The following B4GALNT3 variants were observed in gnomAD, a reference collection of about 807,000 sequenced individuals.
B4GALNT3 encodes beta-1,4-N-acetylgalactosaminyltransferase 3.
Under a neutral mutation model 120.2 loss-of-function variants are expected in B4GALNT3, and 86 were observed. That is an observed-to-expected ratio of 0.72 (90% CI 0.60 to 0.86). The LOEUF is 0.86. Ranked by LOEUF, B4GALNT3 falls within the 40% of genes least tolerant of loss-of-function variation. B4GALNT3 has a pLI of 0.00. For missense variants in B4GALNT3, 1,167 were observed against 1,298.9 expected (o/e 0.90, Z 1.56); for synonymous variants, 518 against 510.4 (o/e 1.01, Z -0.20).
chr12:512,230 CACCTTCCACCTTCCACCTTCTTCCA>C (rs1946586013), intron 1 of B4GALNT3, among the ~76,000 whole-genome samples: 1 of 88,936 alleles, frequency 1.1e-5, no homozygotes, highest in Non-Finnish European at 2.2e-5. Flanking sequence ...CACCTTCTTC[CACCTTCCACCTTCCACCTTCTTCCA>C]CCTTCTTCCA....
intron 1 of B4GALNT3, among the ~76,000 whole-genome samples, chr12:477,630 C>T (rs776629567): frequency 6.6e-6 from 1 of 152,174 alleles, no homozygotes; most frequent in Admixed American, 6.5e-5. Context: ...TCATGATTTC[C>T]TCTCTCACTT....
rs201104847 is a variant in B4GALNT3 at position 553,708 on chromosome 12, G to A, written c.1785G>A (p.Ala595=). 2.2e-5 allele frequency: 36 copies of A among 1,613,792 alleles called. No homozygotes were observed. The highest frequency in any genetic ancestry group is 1.0e-4 in the Admixed American group (6 of 60,026). ...RGWHGEEEVV[A]AAGQEGQVEG... Reference sequence around the variant, plus strand: ...GGCATGGGGAGGAGGAAGTGGTGGCGGCCGCAGGCCAGGAAGGACAAGTGG... The same window carrying A: ...GGCATGGGGAGGAGGAAGTGGTGGCAGCCGCAGGCCAGGAAGGACAAGTGG... The change falls in exon 14 of 20, where the codon GCG becomes GCA. Residue 595 remains alanine, a synonymous_variant. Coordinates refer to ENST00000266383, the MANE Select transcript of B4GALNT3 (RefSeq NM_173593.4).
In B4GALNT3 at chr12:536,258, A is replaced by G. The variant is rs772884772; in HGVS notation, c.314A>G (p.Tyr105Cys). The G allele has an allele frequency of 6.2e-7, 1 of 1,614,138 alleles. No homozygotes were observed. Among genetic ancestry groups the G allele is most frequent in the African/African-American group, 1.3e-5 (1 of 75,052 alleles). Residue 105 changes from tyrosine (Y) to cysteine (C), a missense_variant, in exon 3 of 20, where the codon TAC (tyrosine) becomes TGC (cysteine). Tyr to Cys is a radical substitution (Grantham distance 194). This residue lies in a region of B4GALNT3 where 171 missense variants were observed against 161.3 expected (regional missense o/e 1.06). Coordinates refer to ENST00000266383, the MANE Select transcript of B4GALNT3 (RefSeq NM_173593.4). ...IDQGVSSNSSYLKWNKPVPWL... is the reference protein window; with the variant it reads ...IDQGVSSNSSCLKWNKPVPWL... ...CAAGGGGTGAGCAGTAACAGCAGCT[A>G]CTTGAAGTGGAACAAGCCTGTCCCC...
At chr12:544,665 C>T (rs990687210) in intron 4 of B4GALNT3, among the ~76,000 whole-genome samples, 1 of 152,130 alleles carries the variant, frequency 6.6e-6, no homozygotes, top group Non-Finnish European at 1.5e-5. Flanking sequence ...TATAGTGTAC[C>T]CAGGGCCACC....
rs1480788074 is a variant in B4GALNT3, at chr12:467,929, CTCG to C, written c.169+7389_169+7391del. Among the ~76,000 whole-genome samples the C allele has an allele frequency of 2.0e-5, 3 of 152,350 alleles. No homozygotes were observed. In the East Asian group the frequency reaches 5.8e-4, roughly 29 times the overall value. The stretch of plus-strand genomic sequence containing the variant: ...AAGTTGCATAATCACTCAGATTTCT[CTCG>C]TCGTGTTGGTTACTAGGAAGCTTTA... On this transcript the variant is annotated intron_variant, in intron 1 of 19. Transcript: ENST00000266383.
intron 1 of B4GALNT3, among the ~76,000 whole-genome samples, chr12:474,625 C>T (rs1026180406): frequency 3.0e-4 from 45 of 150,802 alleles, no homozygotes; most frequent in African/African-American, 1.0e-3. Context: ...TTGAGACCAG[C>T]ATGGGCAACA....
chr12:543,683 G>A (rs1592050537), intron 3 of B4GALNT3, among the ~76,000 whole-genome samples: 2 of 68,860 alleles, frequency 2.9e-5, no homozygotes, highest in African/African-American at 6.7e-5. Context: ...TCATCTTCCT[G>A]GAGCTGAGGA....
chr12:547,762 G>A (rs997987720), intron 7 of B4GALNT3, among the ~76,000 whole-genome samples: 13 of 152,164 alleles, frequency 8.5e-5, no homozygotes, highest in Admixed American at 2.0e-4. Flanking sequence ...GAGCTCTAAC[G>A]GCTTCTGTTA....
intron 19 of B4GALNT3, among the ~76,000 whole-genome samples, chr12:559,938 T>C (rs1017627290): frequency 6.6e-6 from 1 of 151,892 alleles, no homozygotes; most frequent in African/African-American, 2.4e-5. Context: ...CCAAGGGACC[T>C]GGGGGTTTGG....
In B4GALNT3 at chr12:550,020, G is replaced by A. The variant is rs748376938; in HGVS notation, c.997+108G>A. On this transcript the variant is annotated intron_variant, in intron 10 of 19. Coordinates refer to ENST00000266383, the MANE Select transcript of B4GALNT3 (RefSeq NM_173593.4). The surrounding 1 kb of genome is among the most constrained non-coding windows in gnomAD (Gnocchi z 4.1). ...AGACCTGCCAAGTATCCCAATCACC[G>A]TAGAACTTTTTATCGTCCTTGTAAC... The A allele has an allele frequency of 3.6e-5, 46 of 1,275,422 alleles. No homozygotes were observed. In the African/African-American group the frequency reaches 5.3e-4, roughly 15 times the overall value. The allele number at this position is 1,275,422 out of a possible 1,614,324, so 79.0% of individuals were successfully genotyped here.
Position 548,276 on chromosome 12 carries a change from C to T in B4GALNT3, c.832C>T (p.Leu278Phe). The change falls in exon 9 of 20, where the codon CTC (leucine) becomes TTC (phenylalanine). Residue 278 changes from leucine (L) to phenylalanine (F), a missense_variant. By Grantham distance (22) the Leu-to-Phe change is conservative (BLOSUM62 0). Around this residue, in one of 3 missense-constraint regions of B4GALNT3, gnomAD observed 983 missense variants for 1,102.5 expected, o/e 0.89. Coordinates refer to ENST00000266383, the MANE Select transcript of B4GALNT3 (RefSeq NM_173593.4). This position sits in a 1 kb window ranked among gnomAD's most constrained non-coding sequence, Gnocchi z 4.9. ...AGCCAAGTTCACCATCATTGACTCCCTCTCCCTGTCCCTCTTCACAAGTGA... is the reference window on the plus strand; with the variant it reads ...AGCCAAGTTCACCATCATTGACTCCTTCTCCCTGTCCCTCTTCACAAGTGA... ...PGAKFTIIDS[L>F]SLSLFTNETF... 1.2e-6 allele frequency: 2 copies of T among 1,614,180 alleles called. No individual in the cohort carries two copies. Among genetic ancestry groups the T allele is most frequent in the East Asian group, 4.5e-5 (2 of 44,884 alleles).
intron 1 of B4GALNT3, among the ~76,000 whole-genome samples, chr12:484,170 C>G (rs1946267613): frequency 6.6e-6 from 1 of 152,230 alleles, no homozygotes; most frequent in Non-Finnish European, 1.5e-5. Flanking sequence ...CACACGATCC[C>G]TGTTTCACAG....
chr12:468,415 T>C (rs1024417566), intron 1 of B4GALNT3, among the ~76,000 whole-genome samples: 3 of 152,180 alleles, frequency 2.0e-5, no homozygotes, highest in African/African-American at 7.2e-5. Flanking sequence ...AATTATTACG[T>C]CTTTCCATAT....
intron 1 of B4GALNT3, among the ~76,000 whole-genome samples, chr12:521,873 C>T (rs1167001209): frequency 6.6e-6 from 1 of 152,122 alleles, no homozygotes; most frequent in East Asian, 1.9e-4. Context: ...CTCTCTGAAG[C>T]TGGGATGTGT....
chr12:485,197 C>T (rs1373612083), intron 1 of B4GALNT3, among the ~76,000 whole-genome samples: 3 of 152,092 alleles, frequency 2.0e-5, no homozygotes, highest in Admixed American at 6.6e-5. Context: ...GAAACAAGCA[C>T]GGATGTGCCA....
At chr12:546,192 C>CAGGGGGTGTGGGAGGAGGGAGG (rs1286285887) in intron 6 of B4GALNT3, among the ~76,000 whole-genome samples, 1 of 89,398 alleles carries the variant, frequency 1.1e-5, no homozygotes, top group Non-Finnish European at 2.2e-5. Flanking sequence ...GAGAAGTGGG[C>CAGGGGGTGTGGGAGGAGGGAGG]AGGGGGTGTG....
rs1285346963 is a variant in B4GALNT3 at position 511,230 on chromosome 12, A to ATCCACCT, written c.170-23925_170-23919dup. On this transcript the variant is annotated intron_variant, in intron 1 of 19. Transcript: ENST00000266383. The stretch of plus-strand genomic sequence containing the variant: ...TTTGTTTTTTTTGGTACCTTCCACC[A>ATCCACCT]TCCACCTTCCACCTTCCGCCTTCTG... Among the ~76,000 whole-genome samples the ATCCACCT allele has an allele frequency of 2.0e-5, 3 of 148,268 alleles. No homozygotes were observed. In the East Asian group the frequency reaches 5.9e-4, roughly 29 times the overall value.
chr12:545,067 A>C, intron 5 of B4GALNT3, 95 bp downstream of exon 5: 1 of 1,510,176 alleles, frequency 6.6e-7, no homozygotes, highest in Non-Finnish European at 8.9e-7. Flanking sequence ...AGACTGGACT[A>C]ACTTCCTGTT....
chr12:556,537 T>G lies in B4GALNT3; in HGVS notation c.2061-10T>G. ...GGAACCACTCAGCCTCCCCACACTT[T>G]CTGCCATAGGAGGTACCAGCTACAG... On this transcript the variant is annotated splice_polypyrimidine_tract_variant and intron_variant, in intron 14 of 19. Coordinates refer to ENST00000266383, the MANE Select transcript of B4GALNT3 (RefSeq NM_173593.4). 6.2e-7 allele frequency: 1 copy of G among 1,604,288 alleles called. No homozygotes were observed. Among genetic ancestry groups the G allele is most frequent in the Non-Finnish European group, 8.5e-7 (1 of 1,172,226 alleles).
Sources: gnomAD v4.1 joint callset for allele counts (sites outside exome capture counted in the v4.1 genomes callset) on GRCh38, gnomAD v4.1.1 for gene constraint, gnomAD v4.1.1 regional missense constraint, Gnocchi (gnomAD v3.1) non-coding constraint, MANE v1.5 for transcripts, NCBI Gene and HGNC (gene_info 2026-07-23, HGNC 2026-07-21) for gene names.